The following RICTOR variants were observed in gnomAD, a reference collection of about 807,000 sequenced individuals.
The protein encoded by RICTOR is RPTOR independent companion of MTOR complex 2.
A neutral mutation model predicts 214.9 loss-of-function variants in RICTOR; 49 were observed. The observed-to-expected ratio is 0.23, with a 90% CI of 0.18 to 0.29. The LOEUF (loss-of-function observed/expected upper bound fraction) is 0.29, where lower values mean the gene tolerates loss of function less well. RICTOR is among the 10% of genes least tolerant of loss of function. RICTOR has a pLI of 1.00. For missense variants in RICTOR, 1,625 were observed against 2,047.0 expected, an observed-to-expected ratio of 0.79 and a Z score of 3.98; for synonymous variants, 717 against 711.3, an observed-to-expected ratio of 1.01 and a Z score of -0.13.
intron 2 of RICTOR, among the ~76,000 whole-genome samples, chr5:39,054,084 AAAAG>A (rs763718331): frequency 1.1e-4 from 17 of 152,212 alleles, no homozygotes; most frequent in Admixed American, 2.6e-4. Flanking sequence ...TCCGTCTCAA[AAAAG>A]AAAGAAAGAA....
At chr5:39,052,030 T>C (rs114289309) in intron 2 of RICTOR, among the ~76,000 whole-genome samples, 4 of 152,146 alleles carry the variant, frequency 2.6e-5, no homozygotes, top group Non-Finnish European at 4.4e-5. Context: ...TACTCCTTCA[T>C]AATGCTGGGC....
At chr5:39,018,158 G>C (rs1364356746) in intron 3 of RICTOR, among the ~76,000 whole-genome samples, 1 of 152,014 alleles carries the variant, frequency 6.6e-6, no homozygotes, top group Non-Finnish European at 1.5e-5. Context: ...GCATTACAAG[G>C]CTGAGAAACA....
chr5:39,006,940 T>C (rs532814706), intron 3 of RICTOR, among the ~76,000 whole-genome samples: 1 of 152,320 alleles, frequency 6.6e-6, no homozygotes, highest in South Asian at 2.1e-4. Flanking sequence ...TGTTTTTCTT[T>C]TGTTTTTACT....
intron 31 of RICTOR, 107 bp downstream of exon 31, chr5:38,949,605 T>C (rs1748530611): frequency 1.8e-6 from 2 of 1,091,354 alleles, no homozygotes; most frequent in Non-Finnish European, 2.7e-6. Flanking sequence ...ACAATTATAA[T>C]AGGTCAGTGA....
In RICTOR at chr5:38,939,006, A is replaced by G. The variant is rs191215862; in HGVS notation, c.*3298T>C. The G allele has an allele frequency of 3.9e-5, 9 of 233,128 alleles. No homozygotes were observed. Among genetic ancestry groups the G allele is most frequent in the Non-Finnish European group, 5.9e-5 (7 of 117,734 alleles). 14.4% of individuals were successfully genotyped at this position (233,128 alleles called of 1,614,324 possible). ...GGAGAAAAAACCTTACTTCCAAAGA[A>G]CATTTCCCAAAGTAGTTTACAAAGT... is the stretch of plus-strand genomic sequence containing the variant. On this transcript the variant is annotated 3_prime_UTR_variant, in exon 38 of 38. Coordinates refer to ENST00000357387, the MANE Select transcript of RICTOR (RefSeq NM_152756.5).
chr5:38,973,400 T>C (rs748284492), intron 10 of RICTOR, among the ~76,000 whole-genome samples: 2 of 152,118 alleles, frequency 1.3e-5, no homozygotes, highest in Admixed American at 6.5e-5. Context: ...TAGAATAACA[T>C]AGATGGACTG....
rs1477637500 is a variant in RICTOR, at chr5:38,940,531, T to A, written c.*1773A>T. ...GTACTGTTGACATTTAAATAAACAC[T>A]TGGGTTCAGTGATAAAGTATAAAAA... is the stretch of plus-strand genomic sequence containing the variant. On this transcript the variant is annotated 3_prime_UTR_variant, in exon 38 of 38. Transcript: ENST00000357387. 4.3e-6 allele frequency: 1 copy of A among 232,666 alleles called. No individual in the cohort carries two copies. The highest frequency in any genetic ancestry group is 2.2e-5 in the African/African-American group (1 of 45,328). The allele number at this position is 232,666 out of a possible 1,614,324, so 14.4% of individuals were successfully genotyped here. A position where few individuals can be genotyped will look rare whatever the true frequency, so the allele number is the denominator to read the frequency against.
In RICTOR at chr5:38,940,180, C is replaced by CT; in HGVS notation, c.*2123dup. The CT allele has an allele frequency of 4.7e-6, 1 of 214,900 alleles. No individual in the cohort carries two copies. Among genetic ancestry groups the CT allele is most frequent in the East Asian group, 6.6e-5 (1 of 15,176 alleles). The allele number at this position is 214,900 out of a possible 1,614,324, so 13.3% of individuals were successfully genotyped here. On this transcript the variant is annotated 3_prime_UTR_variant, in exon 38 of 38. Transcript: ENST00000357387. ...CACAAAACATTCAGGCCAATACTAA[C>CT]TAAGCCTTATTTCAGGATAGATGAC... is the stretch of plus-strand genomic sequence containing the variant.
At chr5:38,969,252 G>C (rs1271554130) in intron 11 of RICTOR, among the ~76,000 whole-genome samples, 4 of 151,918 alleles carry the variant, frequency 2.6e-5, no homozygotes, top group Non-Finnish European at 5.9e-5. Flanking sequence ...GATTACAGGT[G>C]TGAGCCACCG....
intron 2 of RICTOR, among the ~76,000 whole-genome samples, chr5:39,068,713 G>C (rs1222050870): frequency 6.6e-6 from 1 of 152,152 alleles, no homozygotes; most frequent in Non-Finnish European, 1.5e-5. Context: ...ACTGACAATG[G>C]GAACAGAAGG....
At chr5:38,960,065 C>G in intron 20 of RICTOR, 87 bp from the exon 21 acceptor site, 2 of 934,828 alleles carry the variant, frequency 2.1e-6, no homozygotes, top group East Asian at 4.8e-5. Context: ...CAAAAACTTA[C>G]TAATAATGAT....
chr5:38,981,689 G>C (rs531270268), intron 8 of RICTOR, 178 bp downstream of exon 8: 103 of 455,690 alleles, frequency 2.3e-4, no homozygotes, highest in Admixed American at 3.5e-4. Context: ...TAAGAGTAAT[G>C]TTTTCAATTC....
chr5:38,990,639 CATATATCAGATATAT>C (rs1752587314), intron 7 of RICTOR, among the ~76,000 whole-genome samples: 1 of 82,298 alleles, frequency 1.2e-5, no homozygotes, highest in African/African-American at 4.6e-5. Context: ...ATATATCTGA[CATATATCAGATATAT>C]GATATATATC....
intron 2 of RICTOR, among the ~76,000 whole-genome samples, chr5:39,043,909 G>A (rs186984572): frequency 5.3e-5 from 8 of 152,276 alleles, no homozygotes; most frequent in South Asian, 4.2e-4. Flanking sequence ...AGAAGGTGTC[G>A]TCAGACAGCC....
chr5:38,999,191 G>T, intron 5 of RICTOR, among the ~76,000 whole-genome samples: 1 of 151,692 alleles, frequency 6.6e-6, no homozygotes, highest in Middle Eastern at 3.4e-3. Context: ...ACAACAAAAC[G>T]TTGAAAAATA....
At chr5:38,954,688 T>C in intron 27 of RICTOR, 86 bp downstream of exon 27, 1 of 808,160 alleles carries the variant, frequency 1.2e-6, no homozygotes, top group Admixed American at 2.1e-5. Flanking sequence ...TGAGAAGTTT[T>C]TGCAAAGGTA....
intron 7 of RICTOR, 60 bp from the exon 8 acceptor site, chr5:38,982,096 C>A (rs1751758767): frequency 5.4e-6 from 7 of 1,287,060 alleles, no homozygotes; most frequent in Non-Finnish European, 7.7e-6. Flanking sequence ...AATAAAAAAT[C>A]TAGGCTTTAA....
At position 39,074,357 on chromosome 5, in the gene RICTOR, G is replaced by T; in HGVS notation, c.21C>A (p.Gly7=). The change falls in exon 1 of 38, where the codon GGC becomes GGA. Residue 7 remains glycine, a synonymous_variant. Transcript: ENST00000357387. MAAIGR[G]RSLKNLRVRG... ...GTACTCGGAGGTTCTTCAGAGAGCG[G>T]CCGCGGCCGATCGCCGCCATATTGA... 6.5e-7 allele frequency: 1 copy of T among 1,538,322 alleles called. No individual in the cohort carries two copies.
At position 38,952,256 on chromosome 5, in the gene RICTOR, T is replaced by C. The variant is rs1177003651; in HGVS notation, c.3067A>G (p.Ser1023Gly). 6.2e-7 allele frequency: 1 copy of C among 1,613,038 alleles called. No homozygotes were observed. Among genetic ancestry groups the C allele is most frequent in the Admixed American group, 1.7e-5 (1 of 59,900 alleles). Residue 1023 changes from serine (S) to glycine (G), a missense_variant, in exon 30 of 38, where the codon AGT becomes GGT. Transcript: ENST00000357387. The stretch of plus-strand genomic sequence containing the variant: ...GAGCTGGTTGACTCCGAGTTCAAAC[T>C]TAGAGTGCTTGGGATAGATGAAAGT... ...NELSSIPSTL[S>G]LNSESTSSRH...
Sources: allele counts gnomAD v4.1 joint callset (sites outside exome capture counted in the v4.1 genomes callset), GRCh38; gene constraint gnomAD v4.1.1; transcripts MANE v1.5; gene names NCBI Gene and HGNC (gene_info 2026-07-23, HGNC 2026-07-21).